PTPRM: variants seen among roughly 807,000 people sequenced by gnomAD.
PTPRM encodes the protein receptor-type tyrosine-protein phosphatase mu.
PTPRM carries 47 observed loss-of-function variants against 186.7 expected under a neutral mutation model. The observed-to-expected ratio is 0.25, with a 90% CI of 0.20 to 0.32. The LOEUF (loss-of-function observed/expected upper bound fraction) is 0.32, where lower values mean the gene tolerates loss of function less well. PTPRM is among the 10% of genes least tolerant of loss of function. The pLI, the probability that PTPRM is intolerant of heterozygous loss-of-function variation, is 1.00. For missense variants in PTPRM, 1,494 were observed against 1,865.0 expected (o/e 0.80, Z 3.66); for synonymous variants, 668 against 674.9 (o/e 0.99, Z 0.16).
intron 14 of PTPRM, among the ~76,000 whole-genome samples, chr18:8,147,421 G>A (rs2092910596): frequency 6.6e-6 from 1 of 152,166 alleles, no homozygotes; most frequent in African/African-American, 2.4e-5. Context: ...TTGCGAATGG[G>A]AGTTCACTCA....
intron 1 of PTPRM, among the ~76,000 whole-genome samples, chr18:7,642,651 T>C (rs896751344): frequency 2.0e-5 from 3 of 152,128 alleles, no homozygotes; most frequent in Non-Finnish European, 4.4e-5. Context: ...ACTTCCCTTT[T>C]CCGAGCAGCA....
At chr18:7,872,719 A>G (rs550340094) in intron 2 of PTPRM, among the ~76,000 whole-genome samples, 1 of 152,340 alleles carries the variant, frequency 6.6e-6, no homozygotes, top group East Asian at 1.9e-4. Flanking sequence ...CAGAAGATGA[A>G]GAGCACTTAG....
intron 3 of PTPRM, among the ~76,000 whole-genome samples, chr18:7,905,851 T>A (rs757151701): frequency 3.3e-5 from 5 of 152,200 alleles, no homozygotes; most frequent in Non-Finnish European, 7.3e-5. Context: ...CCCCACATGG[T>A]CCAGTGTGGT....
At chr18:7,738,123 G>T (rs2040810119) in intron 1 of PTPRM, among the ~76,000 whole-genome samples, 1 of 152,146 alleles carries the variant, frequency 6.6e-6, no homozygotes, top group African/African-American at 2.4e-5. Flanking sequence ...TGGTGCAAAA[G>T]TGATTGCAGT....
intron 2 of PTPRM, among the ~76,000 whole-genome samples, chr18:7,877,957 G>C (rs956935218): frequency 1.3e-5 from 2 of 152,140 alleles, no homozygotes; most frequent in Non-Finnish European, 2.9e-5. Context: ...TCTGCTGTTG[G>C]GATGCTGTGT....
chr18:7,827,316 A>G (rs2045537407), intron 2 of PTPRM, among the ~76,000 whole-genome samples: 1 of 152,116 alleles, frequency 6.6e-6, no homozygotes, highest in Admixed American at 6.5e-5. Flanking sequence ...TTTTCTTCTC[A>G]TAGCTGTCGA....
chr18:8,382,961 T>C (rs1326446340), intron 29 of PTPRM, among the ~76,000 whole-genome samples: 1 of 152,146 alleles, frequency 6.6e-6, no homozygotes, highest in African/African-American at 2.4e-5. Context: ...GTTCTCCCCT[T>C]GCCTTTCCAT....
chr18:8,204,585 C>T (rs1262460126), intron 14 of PTPRM, among the ~76,000 whole-genome samples: 2 of 152,022 alleles, frequency 1.3e-5, no homozygotes, highest in Non-Finnish European at 2.9e-5. Flanking sequence ...CCAAGCTTGA[C>T]AGCTGCCTCC....
In PTPRM at chr18:7,692,840, G is replaced by GTA. The variant is rs1159328522; in HGVS notation, c.74-81303_74-81302dup. The stretch of plus-strand genomic sequence containing the variant: ...ACTCTGGAAATGGCATTATTGTGAT[G>GTA]TATATATGCATGAGAGATTTGGGTG... On this transcript the variant is annotated intron_variant, in intron 1 of 32. Coordinates refer to ENST00000580170, the MANE Select transcript of PTPRM (RefSeq NM_001105244.2). Among the ~76,000 whole-genome samples the GTA allele has an allele frequency of 2.6e-5, 4 of 152,174 alleles. No homozygotes were observed. The East Asian group carries it at 7.7e-4, about 29-fold the overall frequency.
chr18:8,257,118 C>G (rs1403689503), intron 19 of PTPRM, among the ~76,000 whole-genome samples: 1 of 152,218 alleles, frequency 6.6e-6, no homozygotes. Flanking sequence ...CAGGCATACT[C>G]TGAAGGCCAG....
chr18:7,649,215 A>G (rs1472555719), intron 1 of PTPRM, among the ~76,000 whole-genome samples: 6 of 152,220 alleles, frequency 3.9e-5, no homozygotes, highest in Non-Finnish European at 7.3e-5. Context: ...CTACTCAGAC[A>G]AAAAGATTCC....
intron 20 of PTPRM, among the ~76,000 whole-genome samples, chr18:8,304,220 T>G (rs1365266043): frequency 6.6e-6 from 1 of 152,200 alleles, no homozygotes; most frequent in East Asian, 1.9e-4. Context: ...ATGGAAGTGT[T>G]AAAATATTTG....
intron 7 of PTPRM, among the ~76,000 whole-genome samples, chr18:7,966,780 T>C (rs2054116103): frequency 7.4e-6 from 1 of 135,698 alleles, no homozygotes; most frequent in South Asian, 2.5e-4. Flanking sequence ...CGAGACTATA[T>C]CCCACACCTG....
chr18:7,613,850 T>C (rs1301637106), intron 1 of PTPRM, among the ~76,000 whole-genome samples: 1 of 152,206 alleles, frequency 6.6e-6, no homozygotes. Context: ...ATGATTTTTA[T>C]TTGTATCAGG....
At chr18:7,653,403 A>G (rs2038770019) in intron 1 of PTPRM, among the ~76,000 whole-genome samples, 1 of 151,932 alleles carries the variant, frequency 6.6e-6, no homozygotes, top group Non-Finnish European at 1.5e-5. Context: ...TGTTGTACAG[A>G]TTGTTTCATC....
chr18:8,034,769 G>C, intron 7 of PTPRM, among the ~76,000 whole-genome samples: 1 of 152,168 alleles, frequency 6.6e-6, no homozygotes, highest in East Asian at 1.9e-4. Context: ...CTATCAGCCT[G>C]TTTTCTTCCT....
At chr18:7,633,660 C>G (rs1236600009) in intron 1 of PTPRM, among the ~76,000 whole-genome samples, 1 of 152,164 alleles carries the variant, frequency 6.6e-6, no homozygotes, top group Non-Finnish European at 1.5e-5. Flanking sequence ...AGGCACTACT[C>G]ACTTGGAACC....
At chr18:8,284,068 T>C (rs1417001356) in intron 19 of PTPRM, among the ~76,000 whole-genome samples, 1 of 152,254 alleles carries the variant, frequency 6.6e-6, no homozygotes, top group Non-Finnish European at 1.5e-5. Flanking sequence ...GAATTTTCTT[T>C]GCTGAAACAA....
chr18:7,615,913 A>T (rs1317269688), intron 1 of PTPRM, among the ~76,000 whole-genome samples: 1 of 152,134 alleles, frequency 6.6e-6, no homozygotes, highest in Non-Finnish European at 1.5e-5. Flanking sequence ...TTAGATTCTC[A>T]TTAGGAGCGT....
Sources: gnomAD v4.1 joint callset for allele counts (sites outside exome capture counted in the v4.1 genomes callset) on GRCh38, gnomAD v4.1.1 for gene constraint, MANE v1.5 for transcripts, NCBI Gene and HGNC (gene_info 2026-07-23, HGNC 2026-07-21) for gene names.